ZFHX3: variants seen among roughly 807,000 people sequenced by gnomAD.
The protein encoded by ZFHX3 is zinc finger homeobox protein 3.
A neutral mutation model predicts 279.1 loss-of-function variants in ZFHX3; 42 were observed. The ratio of observed to expected loss-of-function variants is 0.15; its 90% CI spans 0.12 to 0.19. ZFHX3 has a LOEUF of 0.19. Among genes scored for constraint, ZFHX3 ranks in the 10% least tolerant of loss-of-function variants. The probability of loss-of-function intolerance (pLI) is 1.00; values close to 1 mark genes in which losing one functional copy is unlikely to be tolerated. For missense variants in ZFHX3, 4,981 were observed against 4,754.0 expected, an observed-to-expected ratio of 1.05 and a Z score of -1.40; for synonymous variants, 2,293 against 1,957.8, an observed-to-expected ratio of 1.17 and a Z score of -4.52.
At chr16:73,593,932 C>T (rs967991138) in intron 2 of ZFHX3, among the ~76,000 whole-genome samples, 2 of 152,184 alleles carry the variant, frequency 1.3e-5, no homozygotes, top group African/African-American at 4.8e-5. Context: ...CCATGTCAAA[C>T]TCTTGTTAAT....
chr16:73,837,699 C>T (rs530272960), intron 1 of ZFHX3, among the ~76,000 whole-genome samples: 74 of 152,294 alleles, frequency 4.9e-4, no homozygotes, highest in African/African-American at 1.6e-3. Context: ...AGGGCAATGG[C>T]GCGATCTCGG....
intron 1 of ZFHX3, among the ~76,000 whole-genome samples, chr16:73,704,559 T>C (rs1251995308): frequency 6.6e-6 from 1 of 152,200 alleles, no homozygotes; most frequent in African/African-American, 2.4e-5. Context: ...TGGGCTCACG[T>C]ATGTCTGTTG....
At chr16:72,974,497 G>A (rs1163698767) in intron 1 of ZFHX3, among the ~76,000 whole-genome samples, 1 of 152,038 alleles carries the variant, frequency 6.6e-6, no homozygotes. Context: ...GCTTGCTCTG[G>A]CACGAGGCTC....
Position 72,957,523 on chromosome 16 carries a change from G to A in ZFHX3, c.2623C>T (p.Leu875=), listed in dbSNP as rs762531780. 2 of 1,614,108 alleles carry A rather than the reference G, an allele frequency of 1.2e-6. No homozygotes were observed. The highest frequency in any genetic ancestry group is 1.7e-6 in the Non-Finnish European group (2 of 1,180,046). The stretch of plus-strand genomic sequence containing the variant: ...TCCGAGGCAGCACTGTCCATCTTCA[G>A]GTTGGGCAGGTTCATGTTCTGGGCC... ...YLAQNMNLPN[L]KMDSAASDAQ... The change falls in exon 2 of 10, where the codon CTG becomes TTG. Residue 875 remains leucine, a synonymous_variant. Transcript: ENST00000268489.
intron 2 of ZFHX3, among the ~76,000 whole-genome samples, chr16:73,538,919 C>G (rs2019958834): frequency 6.6e-6 from 1 of 152,120 alleles, no homozygotes; most frequent in Non-Finnish European, 1.5e-5. Flanking sequence ...AACCTAAAAG[C>G]ATTAGTCAAA....
At chr16:73,054,885 C>T in intron 1 of ZFHX3, among the ~76,000 whole-genome samples, 1 of 152,104 alleles carries the variant, frequency 6.6e-6, no homozygotes, top group East Asian at 1.9e-4. Context: ...CACAGAACCC[C>T]TGCCAACTCT....
chr16:73,275,033 G>C (rs75371930), intron 4 of ZFHX3, among the ~76,000 whole-genome samples: 51 of 152,262 alleles, frequency 3.3e-4, no homozygotes, highest in African/African-American at 1.2e-3. Context: ...TTCAAGCACA[G>C]AGATGTACAG....
chr16:72,865,424 C>T (rs2037994173), intron 4 of ZFHX3, among the ~76,000 whole-genome samples: 1 of 152,220 alleles, frequency 6.6e-6, no homozygotes. Flanking sequence ...CATGGCGGCC[C>T]TGTGCTGGGC....
intron 1 of ZFHX3, among the ~76,000 whole-genome samples, chr16:73,743,391 A>G (rs936517354): frequency 1.3e-5 from 2 of 152,224 alleles, no homozygotes; most frequent in Non-Finnish European, 1.5e-5. Flanking sequence ...CACAATACTT[A>G]TACATATATT....
chr16:73,005,127 A>G (rs991794272), intron 1 of ZFHX3, among the ~76,000 whole-genome samples: 6 of 152,194 alleles, frequency 3.9e-5, no homozygotes, highest in African/African-American at 1.4e-4. Flanking sequence ...GGTTTCCTTC[A>G]CTATAAAATG....
At chr16:72,933,160 T>C (rs952335974) in intron 3 of ZFHX3, among the ~76,000 whole-genome samples, 2 of 152,180 alleles carry the variant, frequency 1.3e-5, no homozygotes, top group African/African-American at 4.8e-5. Context: ...AATGGTCAGA[T>C]CCCATTAGAT....
At chr16:73,356,923 C>A (rs915932850) in intron 3 of ZFHX3, among the ~76,000 whole-genome samples, 2 of 151,398 alleles carry the variant, frequency 1.3e-5, no homozygotes, top group Non-Finnish European at 2.9e-5. Context: ...GGGAAGCAGC[C>A]GTTAACCAGA....
intron 1 of ZFHX3, among the ~76,000 whole-genome samples, chr16:73,851,291 T>C (rs1961588560): frequency 6.6e-6 from 1 of 152,192 alleles, no homozygotes; most frequent in Admixed American, 6.5e-5. Context: ...GGTCACATTT[T>C]AGACACTGCT....
intron 6 of ZFHX3, chr16:73,134,627 A>C (rs1056427138): frequency 2.0e-5 from 3 of 151,718 alleles, no homozygotes; most frequent in African/African-American, 7.3e-5. Flanking sequence ...GCCCCACTGC[A>C]CCTGGCTCCC....
chr16:73,304,697 C>T (rs1405884257), intron 4 of ZFHX3, among the ~76,000 whole-genome samples: 1 of 152,150 alleles, frequency 6.6e-6, no homozygotes, highest in African/African-American at 2.4e-5. Context: ...TCAAGCCCTC[C>T]TTTGAACCAA....
Position 72,793,198 on chromosome 16 carries a change from A to G in ZFHX3, c.9427+57T>C. On this transcript the variant is annotated intron_variant, in intron 9 of 9. Coordinates refer to ENST00000268489, the MANE Select transcript of ZFHX3 (RefSeq NM_006885.4). This position sits in a 1 kb window ranked among gnomAD's most constrained non-coding sequence, Gnocchi z 4.3. ...AGGGTTTGGGTGGTATCCACATAACAGAATGCTGACTGGGCAGCTATTTAG... is the reference window on the plus strand; with the variant it reads ...AGGGTTTGGGTGGTATCCACATAACGGAATGCTGACTGGGCAGCTATTTAG... 2 of 1,543,520 alleles carry G rather than the reference A, an allele frequency of 1.3e-6. No homozygotes were observed. Among genetic ancestry groups the G allele is most frequent in the Admixed American group, 4.0e-5 (2 of 49,928 alleles).
chr16:73,618,639 C>T (rs1356680124), intron 2 of ZFHX3, among the ~76,000 whole-genome samples: 1 of 152,222 alleles, frequency 6.6e-6, no homozygotes, highest in Non-Finnish European at 1.5e-5. Flanking sequence ...GCTGCAACTC[C>T]AGCTCCCTTA....
At chr16:73,289,752 G>C (rs2014721063) in intron 4 of ZFHX3, among the ~76,000 whole-genome samples, 1 of 152,090 alleles carries the variant, frequency 6.6e-6, no homozygotes, top group Non-Finnish European at 1.5e-5. Flanking sequence ...CCATTCTGGT[G>C]AGCCCCCAGG....
At chr16:72,901,993 G>A (rs918345150) in intron 3 of ZFHX3, among the ~76,000 whole-genome samples, 2 of 152,138 alleles carry the variant, frequency 1.3e-5, no homozygotes, top group Non-Finnish European at 2.9e-5. Context: ...TTTACTGAAC[G>A]TTAAATCAAC....
Sources: allele counts gnomAD v4.1 joint callset (sites outside exome capture counted in the v4.1 genomes callset), GRCh38; gene constraint gnomAD v4.1.1; non-coding constraint Gnocchi (gnomAD v3.1); transcripts MANE v1.5; gene names NCBI Gene and HGNC (gene_info 2026-07-23, HGNC 2026-07-21).